Variants in KIAA1217 observed in about 807,000 individuals in gnomAD.
KIAA1217 encodes the protein KIAA1217, also known as sickle tail protein homolog.
Under a neutral mutation model 163.9 loss-of-function variants are expected in KIAA1217, and 88 were observed. The observed-to-expected ratio is 0.54, with a 90% confidence interval of 0.45 to 0.64. KIAA1217 has a LOEUF of 0.64. Among genes scored for constraint, KIAA1217 ranks in the 30% least tolerant of loss-of-function variants. The probability of loss-of-function intolerance (pLI) is 0.00; values close to 1 mark genes in which losing one functional copy is unlikely to be tolerated. For synonymous variants in KIAA1217, 903 were observed against 923.1 expected (o/e 0.98, Z 0.39); for missense variants, 2,372 against 2,475.0 (o/e 0.96, Z 0.88).
rs760506284 is a variant in KIAA1217 at position 24,474,070 on chromosome 10, A to G, written c.1679+10A>G. The G allele has an allele frequency of 1.9e-6, 3 of 1,578,570 alleles. No homozygotes were observed. The Admixed American group carries it at 5.3e-5, about 28-fold the overall frequency. ...AAGACAGAGAGACCAGGTAAGGTGCAGTGAGGGTGACCGAGGGTGGTACCT... is the reference window on the plus strand; with the variant it reads ...AAGACAGAGAGACCAGGTAAGGTGCGGTGAGGGTGACCGAGGGTGGTACCT... On this transcript the variant is annotated intron_variant, in intron 6 of 20. Coordinates refer to ENST00000376454, the MANE Select transcript of KIAA1217 (RefSeq NM_019590.5).
intron 3 of KIAA1217, among the ~76,000 whole-genome samples, chr10:24,401,789 T>A (rs2056554261): frequency 6.6e-6 from 1 of 152,092 alleles, no homozygotes; most frequent in Non-Finnish European, 1.5e-5. Context: ...CTGTCTCTGT[T>A]TGCAGATGAC....
At chr10:24,230,291 A>G (rs1419682983) in intron 2 of KIAA1217, among the ~76,000 whole-genome samples, 1 of 152,110 alleles carries the variant, frequency 6.6e-6, no homozygotes, top group East Asian at 1.9e-4. Context: ...ATTTTGAAAT[A>G]TCTGCATTAT....
intron 2 of KIAA1217, among the ~76,000 whole-genome samples, chr10:24,298,803 G>GA (rs1384703622): frequency 1.3e-5 from 2 of 151,592 alleles, no homozygotes; most frequent in African/African-American, 4.8e-5. Flanking sequence ...ATCTCAAAAA[G>GA]AAAAAATAAA....
chr10:24,196,357 C>A lies in KIAA1217; in HGVS notation c.-170-23269C>A, dbSNP rs932624938. ...CAATTGCACAGGAGGCAGCTCAAAA[C>A]AGTAATCAATCTTGGGAAATTTTCC... On this transcript the variant is annotated intron_variant, in intron 2 of 18. Coordinates refer to the KIAA1217 transcript ENST00000376462. Among the ~76,000 whole-genome samples the A allele has an allele frequency of 2.6e-5, 4 of 152,216 alleles. No homozygotes were observed. The South Asian group carries it at 6.2e-4, about 24-fold the overall frequency.
rs114288069 is a variant in KIAA1217 at position 24,502,405 on chromosome 10, T to C, written c.2001+860T>C. Among the ~76,000 whole-genome samples, 530 of 152,272 alleles carry C rather than the reference T, an allele frequency of 3.5e-3. 1 individual carries two copies. Among genetic ancestry groups the C allele is most frequent in the African/African-American group, 0.011 (476 of 41,558 alleles). Reference sequence around the variant, plus strand: ...CAGATACTGTGATCCATCCGTTCCTTGCTCTTTTCCATTGTTAAGGAATAT... The same window carrying C: ...CAGATACTGTGATCCATCCGTTCCTCGCTCTTTTCCATTGTTAAGGAATAT... On this transcript the variant is annotated intron_variant, in intron 9 of 20. Transcript: ENST00000376454.
At chr10:23,837,246 C>A (rs1168259865) in intron 1 of KIAA1217, among the ~76,000 whole-genome samples, 2 of 152,066 alleles carry the variant, frequency 1.3e-5, no homozygotes, top group Non-Finnish European at 2.9e-5. Context: ...CTTGTTCAGG[C>A]CACCCATTCT....
chr10:23,956,789 G>C (rs1233807666), intron 1 of KIAA1217, among the ~76,000 whole-genome samples: 2 of 152,056 alleles, frequency 1.3e-5, no homozygotes, highest in Non-Finnish European at 2.9e-5. Context: ...ATTTGGGGAG[G>C]TGCAAGGCTT....
At chr10:24,148,366 GT>G (rs373714707) in intron 2 of KIAA1217, among the ~76,000 whole-genome samples, 9 of 151,746 alleles carry the variant, frequency 5.9e-5, no homozygotes, top group Admixed American at 5.9e-4. Context: ...TAAGCTTAGT[GT>G]TTTTTTTCCA....
intron 3 of KIAA1217, among the ~76,000 whole-genome samples, chr10:24,401,803 A>G (rs2056555837): frequency 1.3e-5 from 2 of 148,440 alleles, no homozygotes; most frequent in South Asian, 2.2e-4. Context: ...AGATGACATT[A>G]TCTACATAGG....
chr10:24,318,420 T>G (rs1408101899), intron 2 of KIAA1217, among the ~76,000 whole-genome samples: 1 of 152,206 alleles, frequency 6.6e-6, no homozygotes, highest in Non-Finnish European at 1.5e-5. Context: ...GAGGGAATTC[T>G]GCCTCTAGAC....
intron 1 of KIAA1217, among the ~76,000 whole-genome samples, chr10:24,210,348 T>G (rs2067911761): frequency 6.6e-6 from 1 of 152,200 alleles, no homozygotes; most frequent in African/African-American, 2.4e-5. Flanking sequence ...TCCCTGAGTC[T>G]GAACAGTCAT....
At chr10:23,709,498 C>T (rs1022343611) in intron 1 of KIAA1217, among the ~76,000 whole-genome samples, 12 of 150,188 alleles carry the variant, frequency 8.0e-5, no homozygotes, top group African/African-American at 2.7e-4. Context: ...CACTGCACTT[C>T]AGCATGAGTG....
rs1175651104 is a variant in KIAA1217 at position 23,981,953 on chromosome 10, T to C, written c.-320-25272T>C. Among the ~76,000 whole-genome samples the C allele has an allele frequency of 5.3e-5, 8 of 151,548 alleles. No homozygotes were observed. In the East Asian group the frequency reaches 1.4e-3, roughly 26 times the overall value. On this transcript the variant is annotated intron_variant, in intron 1 of 18. Transcript: ENST00000376462. ...TTTAATGGGACCAAACCAAAGAAAA[T>C]GATGGTACGTTAAACACTGCCTAGC...
chr10:23,907,002 G>A (rs2131259668), intron 1 of KIAA1217, among the ~76,000 whole-genome samples: 1 of 152,160 alleles, frequency 6.6e-6, no homozygotes, highest in African/African-American at 2.4e-5. Context: ...ATACACTGAG[G>A]GCTTGAGGGT....
chr10:23,974,165 G>A (rs995958154), intron 1 of KIAA1217, among the ~76,000 whole-genome samples: 7 of 152,138 alleles, frequency 4.6e-5, no homozygotes, highest in African/African-American at 7.2e-5. Context: ...TTACTATTGG[G>A]CAGAGGAGTG....
chr10:23,924,046 A>G (rs1842936765), intron 1 of KIAA1217, among the ~76,000 whole-genome samples: 1 of 152,126 alleles, frequency 6.6e-6, no homozygotes, highest in African/African-American at 2.4e-5. Flanking sequence ...GATAATTATG[A>G]TTTTTAAATG....
intron 1 of KIAA1217, among the ~76,000 whole-genome samples, chr10:23,739,538 G>T (rs1227783149): frequency 2.6e-5 from 4 of 152,168 alleles, no homozygotes; most frequent in Non-Finnish European, 5.9e-5. Flanking sequence ...AGCGAGGGAG[G>T]GTGAGAAGTG....
At chr10:24,499,470 C>T (rs1387357797) in intron 8 of KIAA1217, among the ~76,000 whole-genome samples, 12 of 152,166 alleles carry the variant, frequency 7.9e-5, no homozygotes, top group East Asian at 1.9e-4. Context: ...CGGTGGCCCA[C>T]GCCTGTAATC....
intron 2 of KIAA1217, among the ~76,000 whole-genome samples, chr10:24,053,604 A>G (rs1210890934): frequency 6.6e-6 from 1 of 152,112 alleles, no homozygotes; most frequent in Non-Finnish European, 1.5e-5. Flanking sequence ...TGATTCCTAC[A>G]ATGCCTTTGC....
Sources: allele counts gnomAD v4.1 joint callset (sites outside exome capture counted in the v4.1 genomes callset), GRCh38; gene constraint gnomAD v4.1.1; transcripts MANE v1.5; gene names NCBI Gene and HGNC (gene_info 2026-07-23, HGNC 2026-07-21).